SLC15A2: variants seen among roughly 807,000 people sequenced by gnomAD.
SLC15A2 encodes the protein solute carrier family 15 member 2.
SLC15A2 carries 77 observed loss-of-function variants against 95.5 expected under a neutral mutation model. The ratio of observed to expected loss-of-function variants is 0.81; its 90% CI spans 0.67 to 0.97. The LOEUF (loss-of-function observed/expected upper bound fraction) is 0.97, where lower values mean the gene tolerates loss of function less well. Among genes scored for constraint, SLC15A2 ranks in the 50% least tolerant of loss-of-function variants. The probability of loss-of-function intolerance (pLI) is 0.00; values close to 1 mark genes in which losing one functional copy is unlikely to be tolerated. For synonymous variants in SLC15A2, 306 were observed against 306.9 expected (o/e 1.00, Z 0.03); for missense variants, 893 against 874.4 (o/e 1.02, Z -0.27).
intron 19 of SLC15A2, 37 bp from the exon 20 acceptor site, chr3:121,939,312 T>C: frequency 1.4e-6 from 2 of 1,440,356 alleles, no homozygotes; most frequent in Non-Finnish European, 1.8e-6. Context: ...TACTTGAGAC[T>C]ACTGACAAGT....
chr3:121,937,942 T>C (rs1186396517), intron 19 of SLC15A2, among the ~76,000 whole-genome samples: 11 of 151,856 alleles, frequency 7.2e-5, no homozygotes, highest in South Asian at 2.1e-4. Flanking sequence ...GATGGGTTTT[T>C]GGTGTGGATG....
intron 3 of SLC15A2, among the ~76,000 whole-genome samples, chr3:121,901,573 C>T (rs1217135388): frequency 6.6e-6 from 1 of 152,048 alleles, no homozygotes; most frequent in Non-Finnish European, 1.5e-5. Flanking sequence ...GTAACTTGTT[C>T]TCCTGTAGTC....
chr3:121,940,765 A>C, intron 21 of SLC15A2, 66 bp from the exon 22 acceptor site: 1 of 1,521,486 alleles, frequency 6.6e-7, no homozygotes, highest in African/African-American at 1.4e-5. Context: ...CCCACTCCTC[A>C]TCCTGTAAAG....
In SLC15A2 at chr3:121,911,391, T is replaced by G. The variant is rs537439308; in HGVS notation, c.336-183T>G. Among the ~76,000 whole-genome samples, 9 of 152,326 alleles carry G rather than the reference T, an allele frequency of 5.9e-5. No individual in the cohort carries two copies. The South Asian group carries it at 1.9e-3, about 32-fold the overall frequency. On this transcript the variant is annotated intron_variant, in intron 3 of 21. Transcript: ENST00000489711. ...AAGAGTGAAGAATTCCACTCCTTTT[T>G]CCTAGTCTGTTCACTTCATTCACCA...
intron 20 of SLC15A2, among the ~76,000 whole-genome samples, chr3:121,939,775 G>C (rs879700023): frequency 6.6e-6 from 1 of 152,044 alleles, no homozygotes; most frequent in African/African-American, 2.4e-5. Context: ...ATGACCTATT[G>C]TGTAACCTTG....
chr3:121,925,055 A>G (rs760220824), intron 13 of SLC15A2, 22 bp downstream of exon 13: 2 of 1,471,630 alleles, frequency 1.4e-6, no homozygotes, highest in Non-Finnish European at 1.9e-6. Context: ...CTATGTCTGT[A>G]TGGATTACTC....
At chr3:121,915,803 A>G (rs1046503636) in intron 7 of SLC15A2, 110 bp downstream of exon 7, 1 of 743,468 alleles carries the variant, frequency 1.3e-6, no homozygotes, top group Non-Finnish European at 2.4e-6. Flanking sequence ...CACCAGGCCT[A>G]TTGGGTAACT....
chr3:121,929,059 GTC>G lies in SLC15A2; in HGVS notation c.1425_1426del (p.Tyr476HisfsTer2). ...FHFHLKYHNL[S>X]LYTEHSVQEK... is the part of the protein sequence containing the mutation. ...ACTTCCACCTGAAATATCACAATTT[GTC>G]TCTCTACACTGAGCATTCTGTGCAG... is the stretch of plus-strand genomic sequence containing the variant. On this transcript the variant is annotated frameshift_variant, in exon 16 of 22. Transcript: ENST00000489711. LOFTEE classifies it high-confidence loss of function. The G allele has an allele frequency of 6.2e-7, 1 of 1,614,068 alleles. No homozygotes were observed. Among genetic ancestry groups the G allele is most frequent in the Admixed American group, 1.7e-5 (1 of 60,016 alleles).
chr3:121,939,825 C>G (rs1273913572), intron 20 of SLC15A2, among the ~76,000 whole-genome samples: 2 of 152,020 alleles, frequency 1.3e-5, no homozygotes, highest in African/African-American at 4.8e-5. Context: ...GTCGCCCAGG[C>G]TGGAGTGCAG....
chr3:121,903,659 G>A (rs1298271309), intron 3 of SLC15A2, among the ~76,000 whole-genome samples: 1 of 152,178 alleles, frequency 6.6e-6, no homozygotes, highest in East Asian at 1.9e-4. Context: ...TCAGATGGTT[G>A]TAGATGTGTG....
In SLC15A2 at chr3:121,943,675, T is replaced by A. The variant is rs139641465; in HGVS notation, c.*2668T>A. On this transcript the variant is annotated 3_prime_UTR_variant, in exon 22 of 22. Coordinates refer to ENST00000489711, the MANE Select transcript of SLC15A2 (RefSeq NM_021082.4). ...AGCACTTATCACTTAATGACAGGGA[T>A]ACATTTGAGGAATGCATTGTTAGGC... is the stretch of plus-strand genomic sequence containing the variant. 3 of 152,358 alleles carry A rather than the reference T, an allele frequency of 2.0e-5. No individual in the cohort carries two copies. The highest frequency in any genetic ancestry group is 1.3e-4 in the Admixed American group (2 of 15,306). 9.4% of individuals were successfully genotyped at this position (152,358 alleles called of 1,614,324 possible).
chr3:121,909,868 AAGACAAT>A (rs1181801729), intron 3 of SLC15A2, among the ~76,000 whole-genome samples: 3 of 152,086 alleles, frequency 2.0e-5, no homozygotes, highest in Non-Finnish European at 4.4e-5. Context: ...TGTGTGGCCC[AAGACAAT>A]ATATCTTCCA....
chr3:121,940,790 A>T (rs375949393), intron 21 of SLC15A2, 41 bp from the exon 22 acceptor site: 2 of 1,572,218 alleles, frequency 1.3e-6, no homozygotes, highest in Non-Finnish European at 1.7e-6. Flanking sequence ...CTTTAGTTTC[A>T]GGTTTCTCCA....
chr3:121,907,032 T>G (rs1709663190), intron 3 of SLC15A2, among the ~76,000 whole-genome samples: 2 of 152,212 alleles, frequency 1.3e-5, no homozygotes, highest in South Asian at 4.1e-4. Context: ...TATATTTCTT[T>G]GAGGCTTTGT....
At chr3:121,920,553 T>A (rs1050943221) in intron 7 of SLC15A2, among the ~76,000 whole-genome samples, 1 of 152,128 alleles carries the variant, frequency 6.6e-6, no homozygotes, top group East Asian at 1.9e-4. Flanking sequence ...GCCTTAGCCT[T>A]CCAAACTGCT....
At position 121,903,547 on chromosome 3, in the gene SLC15A2, C is replaced by A. The variant is rs1292893051; in HGVS notation, c.335+6018C>A. ...TTTGTATAAGGTGTAAGGAAGGGAT[C>A]CAGTTTCAGCTTTCTACATATGGCT... On this transcript the variant is annotated intron_variant, in intron 3 of 21. Coordinates refer to ENST00000489711, the MANE Select transcript of SLC15A2 (RefSeq NM_021082.4). Among the ~76,000 whole-genome samples the A allele has an allele frequency of 2.6e-5, 4 of 152,106 alleles. No individual in the cohort carries two copies. In the East Asian group the frequency reaches 7.7e-4, roughly 29 times the overall value.
chr3:121,925,087 C>T, intron 13 of SLC15A2, 54 bp downstream of exon 13: 1 of 1,255,434 alleles, frequency 8.0e-7, no homozygotes, highest in Non-Finnish European at 1.2e-6. Flanking sequence ...AGTCTTTGCC[C>T]AGTTTGAAAA....
Position 121,928,524 on chromosome 3 carries a change from C to A in SLC15A2, c.1310C>A (p.Ser437Tyr). The change falls in exon 15 of 22, where the codon TCT (serine) becomes TAT (tyrosine). Residue 437 changes from serine (S) to tyrosine (Y), a missense_variant. Coordinates refer to ENST00000489711, the MANE Select transcript of SLC15A2 (RefSeq NM_021082.4). Reference protein sequence around the residue: ...KVTVVGNENNSLLIESIKSFQ... With the variant: ...KVTVVGNENNYLLIESIKSFQ... ...ACAGTGGTGGGAAATGAAAACAATTCTCTGTTGATAGAGTCCATCAAATCC... is the reference window on the plus strand; with the variant it reads ...ACAGTGGTGGGAAATGAAAACAATTATCTGTTGATAGAGTCCATCAAATCC... 1 of 1,614,078 alleles carries A rather than the reference C, an allele frequency of 6.2e-7. No homozygotes were observed. Among genetic ancestry groups the A allele is most frequent in the Non-Finnish European group, 8.5e-7 (1 of 1,179,964 alleles).
chr3:121,924,854 G>A (rs1460252855), intron 12 of SLC15A2, 91 bp from the exon 13 acceptor site: 2 of 901,532 alleles, frequency 2.2e-6, no homozygotes, highest in African/African-American at 3.3e-5. Flanking sequence ...GTGTAGATGT[G>A]AGACAGAGTG....
Sources: allele counts gnomAD v4.1 joint callset (sites outside exome capture counted in the v4.1 genomes callset), GRCh38; gene constraint gnomAD v4.1.1; transcripts MANE v1.5; gene names NCBI Gene and HGNC (gene_info 2026-07-23, HGNC 2026-07-21).